Variants in ARL9 observed in about 807,000 individuals in gnomAD.
ARL9 encodes ARF like GTPase 9.
Under a neutral mutation model 27.0 loss-of-function variants are expected in ARL9, and 14 were observed. The observed-to-expected ratio is 0.52, with a 90% CI of 0.34 to 0.81. The LOEUF (loss-of-function observed/expected upper bound fraction) is 0.81. ARL9 is among the 30% of genes least tolerant of loss of function. The pLI, the probability that ARL9 is intolerant of heterozygous loss-of-function variation, is 0.01. For synonymous variants in ARL9, 106 were observed against 108.7 expected (o/e 0.98, Z 0.15); for missense variants, 294 against 290.0 (o/e 1.01, Z -0.10).
upstream of ARL9, chr4:56,505,733 C>T (rs1052289383): frequency 7.2e-7 from 1 of 1,390,540 alleles, no homozygotes; most frequent in Non-Finnish European, 9.3e-7. Flanking sequence ...TTGGCAGCGC[C>T]CGCGGGTTGT....
intron 2 of ARL9, among the ~76,000 whole-genome samples, chr4:56,516,584 C>CAAAAAAAAAAAAAA (rs10718013): frequency 4.1e-5 from 5 of 120,824 alleles, no homozygotes; most frequent in Admixed American, 9.0e-5. Context: ...TCAAATTAGG[C>CAAAAAAAAAAAAAA]AAAAAAAAAA....
chr4:56,509,201 C>CTTTTCTTTT (rs1553949438), intron 1 of ARL9, among the ~76,000 whole-genome samples: 3 of 133,346 alleles, frequency 2.2e-5, no homozygotes, highest in East Asian at 2.5e-4. Context: ...TTTTCTTTTT[C>CTTTTCTTTT]TTTTTTTTGT....
Position 56,518,860 on chromosome 4 carries a change from A to C in ARL9, c.618+7A>C, listed in dbSNP as rs542901908. The C allele has an allele frequency of 1.9e-6, 3 of 1,611,742 alleles. No individual in the cohort carries two copies. In the African/African-American group the frequency reaches 4.0e-5, roughly 21 times the overall value. On this transcript the variant is annotated splice_region_variant and intron_variant, in intron 3 of 3. Coordinates refer to ENST00000640821, the MANE Select transcript of ARL9 (RefSeq NM_001363794.2). Reference sequence around the variant, plus strand: ...TGTGTTTGCAAACAAACAGGTAAAAATCTGTGCAAATATAAATTGTACTCA... The same window carrying C: ...TGTGTTTGCAAACAAACAGGTAAAACTCTGTGCAAATATAAATTGTACTCA...
At position 56,511,229 on chromosome 4, in the gene ARL9, A is replaced by G; in HGVS notation, c.324A>G (p.Gly108=). The change falls in exon 2 of 4, where the codon GGA becomes GGG. Residue 108 remains glycine, a synonymous_variant. Transcript: ENST00000640821. ...TAGTGCTGGGCCTGGATGGAGCAGG[A>G]AAAACCAGTGTCCTGCACTCTCTAG... ...QILVLGLDGA[G]KTSVLHSLAS... is the part of the protein sequence containing the mutation. 10 of 1,612,218 alleles carry G rather than the reference A, an allele frequency of 6.2e-6. No individual in the cohort carries two copies. The highest frequency in any genetic ancestry group is 8.5e-6 in the Non-Finnish European group (10 of 1,179,080).
In ARL9 at chr4:56,511,329, C is replaced by G. The variant is rs1243584433; in HGVS notation, c.424C>G (p.Gln142Glu). Residue 142 changes from glutamine to glutamate, a missense_variant, in exon 2 of 4, where the codon CAG becomes GAG. Gln to Glu is a conservative substitution (Grantham distance 29). Transcript: ENST00000640821. ...AGTTTGCATCAACACTGAAGACAGC[C>G]AGATGGAGTTCCTGGAGAGTAAGCT... is the stretch of plus-strand genomic sequence containing the variant. The part of the protein sequence containing the change: ...HAVCINTEDS[Q>E]MEFLEIGGSK... The G allele has an allele frequency of 1.9e-6, 3 of 1,613,116 alleles. No individual in the cohort carries two copies. In the East Asian group the frequency reaches 6.7e-5, roughly 36 times the overall value.
At position 56,518,703 on chromosome 4, in the gene ARL9, C is replaced by G. The variant is rs375027570; in HGVS notation, c.468C>G (p.Ser156=). The G allele has an allele frequency of 7.6e-5, 123 of 1,613,208 alleles. No homozygotes were observed. The highest frequency in any genetic ancestry group is 8.4e-5 in the Non-Finnish European group (99 of 1,179,610). Residue 156 remains serine (S), a synonymous_variant, in exon 3 of 4, where the codon TCC becomes TCG. Coordinates refer to ENST00000640821, the MANE Select transcript of ARL9 (RefSeq NM_001363794.2). Reference sequence around the variant, plus strand: ...TTGGTGGCAGTAAACCTTTTCGGTCCTACTGGGAAATGTACCTATCCAAGG... The same window carrying G: ...TTGGTGGCAGTAAACCTTTTCGGTCGTACTGGGAAATGTACCTATCCAAGG... The part of the protein sequence containing the change: ...LEIGGSKPFR[S]YWEMYLSKGL...
chr4:56,509,583 G>A (rs1457543296), intron 1 of ARL9, among the ~76,000 whole-genome samples: 2 of 151,260 alleles, frequency 1.3e-5, no homozygotes, highest in African/African-American at 4.9e-5. Context: ...TGCCCAGGCT[G>A]GAGTGCAATG....
chr4:56,524,180 A>G lies in ARL9; in HGVS notation c.*304A>G, dbSNP rs540930126. ...TAGCATTTTCATTGTATTAGGTATTATAAGTAATCTAAAGATGATTTAAAA... is the reference window on the plus strand; with the variant it reads ...TAGCATTTTCATTGTATTAGGTATTGTAAGTAATCTAAAGATGATTTAAAA... On this transcript the variant is annotated 3_prime_UTR_variant, in exon 4 of 4. Transcript: ENST00000640821. The G allele has an allele frequency of 4.4e-6, 1 of 229,874 alleles. No individual in the cohort carries two copies. The highest frequency in any genetic ancestry group is 5.2e-5 in the Admixed American group (1 of 19,362). The allele number at this position is 229,874 out of a possible 1,614,324, so 14.2% of individuals were successfully genotyped here.
Position 56,506,061 on chromosome 4 carries a change from GAGAA to G in ARL9, c.200_203del (p.Glu67GlyfsTer18). ...AAAGCAAGGGAAGGAGACAAACAAA[GAGAA>G]GGAACAATTTAAGGGACAAGAAGAG... On this transcript the variant is annotated frameshift_variant, in exon 1 of 4. Coordinates refer to ENST00000640821, the MANE Select transcript of ARL9 (RefSeq NM_001363794.2). LOFTEE classifies it high-confidence loss of function. 8.1e-7 allele frequency: 1 copy of G among 1,234,696 alleles called. No homozygotes were observed. The highest frequency in any genetic ancestry group is 1.0e-6 in the Non-Finnish European group (1 of 989,398). 76.5% of individuals were successfully genotyped at this position (1,234,696 alleles called of 1,614,324 possible). A position where few individuals can be genotyped will look rare whatever the true frequency, so the allele number is the denominator to read the frequency against.
intron 3 of ARL9, among the ~76,000 whole-genome samples, chr4:56,521,185 T>G (rs1404921204): frequency 6.8e-6 from 1 of 146,950 alleles, no homozygotes; most frequent in East Asian, 2.0e-4. Flanking sequence ...CACTCCAGCC[T>G]GGGTGACAGA....
chr4:56,519,257 T>C (rs1308027153), intron 3 of ARL9, among the ~76,000 whole-genome samples: 2 of 152,150 alleles, frequency 1.3e-5, no homozygotes, highest in Admixed American at 1.3e-4. Flanking sequence ...TTGTGCACTG[T>C]TGGTGAGAAT....
At chr4:56,511,891 A>G (rs1394174509) in intron 2 of ARL9, among the ~76,000 whole-genome samples, 2 of 152,198 alleles carry the variant, frequency 1.3e-5, no homozygotes, top group East Asian at 1.9e-4. Flanking sequence ...AAATTTATCT[A>G]TCCAGCCCAA....
chr4:56,507,466 C>T (rs943741676), intron 1 of ARL9, among the ~76,000 whole-genome samples: 4 of 151,686 alleles, frequency 2.6e-5, no homozygotes, highest in Admixed American at 2.0e-4. Flanking sequence ...AGGTGCACAC[C>T]GCCGTGCCTA....
chr4:56,513,779 C>T (rs1230752697), intron 2 of ARL9, among the ~76,000 whole-genome samples: 1 of 152,094 alleles, frequency 6.6e-6, no homozygotes, highest in African/African-American at 2.4e-5. Flanking sequence ...ACACGAGGGC[C>T]CCTGGAAGAG....
chr4:56,523,090 G>GA (rs1721971233), intron 3 of ARL9, among the ~76,000 whole-genome samples: 1 of 152,138 alleles, frequency 6.6e-6, no homozygotes, highest in African/African-American at 2.4e-5. Context: ...AAGGAAAATG[G>GA]AAAAACAAAA....
chr4:56,523,959 C>G lies in ARL9; in HGVS notation c.*83C>G. On this transcript the variant is annotated 3_prime_UTR_variant, in exon 4 of 4. Coordinates refer to ENST00000640821, the MANE Select transcript of ARL9 (RefSeq NM_001363794.2). The stretch of plus-strand genomic sequence containing the variant: ...GGCTTGAAGCCAAAGGTTTCCACCT[C>G]AAATAAAAATTAAGCCATTTCCTAT... 7.4e-7 allele frequency: 1 copy of G among 1,347,904 alleles called. No individual in the cohort carries two copies. Among genetic ancestry groups the G allele is most frequent in the Non-Finnish European group, 1.0e-6 (1 of 1,001,410 alleles). The allele number at this position is 1,347,904 out of a possible 1,614,324, so 83.5% of individuals were successfully genotyped here.
intron 3 of ARL9, among the ~76,000 whole-genome samples, chr4:56,521,067 C>T (rs1009428958): frequency 6.6e-6 from 1 of 151,958 alleles, no homozygotes; most frequent in African/African-American, 2.4e-5. Flanking sequence ...AAAAATTAGC[C>T]AGGCGTGGTG....
chr4:56,516,843 C>G (rs533036881), intron 2 of ARL9, among the ~76,000 whole-genome samples: 2 of 152,078 alleles, frequency 1.3e-5, no homozygotes, highest in Non-Finnish European at 2.9e-5. Flanking sequence ...AAAGGAGGAT[C>G]GCTTGAGCCC....
upstream of ARL9, chr4:56,505,388 C>G (rs1286613972): frequency 2.2e-6 from 1 of 457,316 alleles, no homozygotes; most frequent in East Asian, 6.9e-5. Context: ...TGGATTCTGA[C>G]GCCCCAGGGG....
Sources: gnomAD v4.1 joint callset for allele counts (sites outside exome capture counted in the v4.1 genomes callset) on GRCh38, gnomAD v4.1.1 for gene constraint, MANE v1.5 for transcripts, NCBI Gene and HGNC (gene_info 2026-07-23, HGNC 2026-07-21) for gene names.